ADCY9: variants seen among roughly 807,000 people sequenced by gnomAD.
ADCY9 encodes the protein adenylate cyclase type 9.
In ADCY9, 50 loss-of-function variants were observed where a neutral mutation model predicts 101.5. The ratio of observed to expected loss-of-function variants is 0.49; its 90% CI spans 0.39 to 0.62. ADCY9 has a LOEUF of 0.62. ADCY9 is among the 20% of genes least tolerant of loss of function. The pLI is 0.00. For synonymous variants in ADCY9, 905 were observed against 769.3 expected (o/e 1.18, Z -2.92); for missense variants, 1,662 against 1,800.4 (o/e 0.92, Z 1.39).
intron 2 of ADCY9, among the ~76,000 whole-genome samples, chr16:4,101,453 A>T (rs1009878496): frequency 6.6e-6 from 1 of 151,862 alleles, no homozygotes; most frequent in African/African-American, 2.4e-5. Context: ...CTAATTATTT[A>T]TTATTTTTAG....
At chr16:4,028,826 C>T (rs2056535081) in intron 2 of ADCY9, among the ~76,000 whole-genome samples, 1 of 151,768 alleles carries the variant, frequency 6.6e-6, no homozygotes, top group African/African-American at 2.4e-5. Flanking sequence ...GCTCTGTCAC[C>T]CAAGCTAGAG....
intron 2 of ADCY9, among the ~76,000 whole-genome samples, chr16:4,101,339 G>C (rs1024388454): frequency 1.3e-4 from 20 of 149,278 alleles, no homozygotes; most frequent in African/African-American, 4.7e-4. Context: ...GAGTACAGTG[G>C]TGCAATCACA....
At chr16:4,013,620 T>C (rs1188666302) in intron 2 of ADCY9, among the ~76,000 whole-genome samples, 1 of 152,136 alleles carries the variant, frequency 6.6e-6, no homozygotes, top group Admixed American at 6.5e-5. Context: ...TTCAGAAACA[T>C]TCCAAAAACG....
chr16:3,999,527 C>A (rs1437186520), intron 3 of ADCY9, among the ~76,000 whole-genome samples: 1 of 151,832 alleles, frequency 6.6e-6, no homozygotes, highest in Non-Finnish European at 1.5e-5. Flanking sequence ...GGCCTTGTTT[C>A]CCTAGAGTGA....
At chr16:3,986,815 C>T (rs536526457) in intron 6 of ADCY9, among the ~76,000 whole-genome samples, 1 of 152,218 alleles carries the variant, frequency 6.6e-6, no homozygotes, top group Non-Finnish European at 1.5e-5. Context: ...CCAGGCTGGT[C>T]TATCTACTGG....
At chr16:4,111,662 G>A (rs1376009416) in intron 2 of ADCY9, among the ~76,000 whole-genome samples, 3 of 152,108 alleles carry the variant, frequency 2.0e-5, no homozygotes, top group African/African-American at 7.2e-5. Flanking sequence ...TGGTCTCAGA[G>A]AAAGAGCTAA....
intron 3 of ADCY9, among the ~76,000 whole-genome samples, chr16:4,003,700 G>A (rs1032970362): frequency 4.0e-5 from 6 of 151,830 alleles, no homozygotes; most frequent in Non-Finnish European, 7.4e-5. Context: ...GAGTGGCTAG[G>A]ACTACAGGCA....
chr16:4,060,882 G>A (rs1280857166), intron 2 of ADCY9, among the ~76,000 whole-genome samples: 1 of 152,100 alleles, frequency 6.6e-6, no homozygotes, highest in Non-Finnish European at 1.5e-5. Context: ...AACTCTAAGG[G>A]GGCCCAGATA....
chr16:4,114,227 T>C lies in ADCY9; in HGVS notation c.1216A>G (p.Met406Val). 1 of 1,613,960 alleles carries C rather than the reference T, an allele frequency of 6.2e-7. No individual in the cohort carries two copies. The highest frequency in any genetic ancestry group is 8.5e-7 in the Non-Finnish European group (1 of 1,180,034). ...LFADIVGFTK[M>V]SANKSAHALV... ...GCGTGGGCAGACTTGTTGGCACTCA[T>C]CTTGGTGAAGCCCACGATATCTGCA... Residue 406 changes from methionine to valine, a missense_variant, in exon 2 of 11, where the codon ATG (methionine) becomes GTG (valine). Met to Val is a conservative substitution (Grantham distance 21, BLOSUM62 1). Coordinates refer to ENST00000294016, the MANE Select transcript of ADCY9 (RefSeq NM_001116.4). This position sits in a 1 kb window ranked among gnomAD's most constrained non-coding sequence, Gnocchi z 4.3.
chr16:3,982,826 G>A (rs1182432928), intron 7 of ADCY9: 3 of 191,006 alleles, frequency 1.6e-5, no homozygotes, highest in African/African-American at 7.0e-5. Context: ...CCTGAGGCAA[G>A]TGCGTGGAGA....
rs975057800 is a variant in ADCY9, at chr16:3,963,363, G to C, written c.*2412C>G. Reference sequence around the variant, plus strand: ...ATGTGCTCGCTGCCAACAGACAAGAGATGCACGGCGTTTCCGCTGCAGAGA... The same window carrying C: ...ATGTGCTCGCTGCCAACAGACAAGACATGCACGGCGTTTCCGCTGCAGAGA... On this transcript the variant is annotated 3_prime_UTR_variant, in exon 11 of 11. Transcript: ENST00000294016. 6 of 398,780 alleles carry C rather than the reference G, an allele frequency of 1.5e-5. No homozygotes were observed. The highest frequency in any genetic ancestry group is 1.2e-4 in the African/African-American group (6 of 48,578). The allele number at this position is 398,780 out of a possible 1,614,324, so 24.7% of individuals were successfully genotyped here. A position where few individuals can be genotyped will look rare whatever the true frequency, so the allele number is the denominator to read the frequency against.
At chr16:3,998,798 G>T in intron 3 of ADCY9, among the ~76,000 whole-genome samples, 1 of 74,284 alleles carries the variant, frequency 1.3e-5, no homozygotes, top group Non-Finnish European at 2.7e-5. Flanking sequence ...GAAAAGAAAA[G>T]AAAAAAAGAG....
At chr16:3,980,633 C>A (rs991211401) in intron 7 of ADCY9, among the ~76,000 whole-genome samples, 1 of 152,234 alleles carries the variant, frequency 6.6e-6, no homozygotes, top group African/African-American at 2.4e-5. Flanking sequence ...GGCGAGGGAA[C>A]GCTCACTCTC....
intron 2 of ADCY9, among the ~76,000 whole-genome samples, chr16:4,108,537 C>A (rs1474473903): frequency 1.3e-5 from 2 of 151,472 alleles, no homozygotes; most frequent in Non-Finnish European, 2.9e-5. Context: ...CCACACCCAG[C>A]CAATTTTTGC....
chr16:4,046,245 C>A (rs1397598555), intron 2 of ADCY9, among the ~76,000 whole-genome samples: 1 of 152,156 alleles, frequency 6.6e-6, no homozygotes, highest in Non-Finnish European at 1.5e-5. Context: ...CAGCACTGAA[C>A]CACGGCACAC....
chr16:4,066,674 A>C (rs1044493256), intron 2 of ADCY9, among the ~76,000 whole-genome samples: 1 of 152,154 alleles, frequency 6.6e-6, no homozygotes, highest in Admixed American at 6.6e-5. Flanking sequence ...TGTGAGCCAC[A>C]GCTTCCCACT....
rs990897841 is a variant in ADCY9 at position 4,039,416 on chromosome 16, C to T, written c.1694-31858G>A. ...ATTGCAGGCCAGGTGCGGTGGCTCACGCCTGTAATCCCAGCACTTTGGGAG... is the reference window on the plus strand; with the variant it reads ...ATTGCAGGCCAGGTGCGGTGGCTCATGCCTGTAATCCCAGCACTTTGGGAG... On this transcript the variant is annotated intron_variant, in intron 2 of 10. Transcript: ENST00000294016. Among the ~76,000 whole-genome samples, 5 of 152,182 alleles carry T rather than the reference C, an allele frequency of 3.3e-5. No individual in the cohort carries two copies. The Middle Eastern group carries it at 0.01, about 311-fold the overall frequency.
intron 8 of ADCY9, among the ~76,000 whole-genome samples, chr16:3,978,581 C>T (rs772436387): frequency 2.0e-5 from 3 of 152,168 alleles, no homozygotes; most frequent in South Asian, 2.1e-4. Context: ...GGCAGGGACT[C>T]GTGCCCACCG....
At chr16:4,012,680 T>C (rs1464328982) in intron 2 of ADCY9, among the ~76,000 whole-genome samples, 2 of 152,218 alleles carry the variant, frequency 1.3e-5, no homozygotes, top group Admixed American at 6.5e-5. Context: ...AATTTGTCTA[T>C]GGCTGTGTGC....
Sources: allele counts gnomAD v4.1 joint callset (sites outside exome capture counted in the v4.1 genomes callset), GRCh38; gene constraint gnomAD v4.1.1; non-coding constraint Gnocchi (gnomAD v3.1); transcripts MANE v1.5; gene names NCBI Gene and HGNC (gene_info 2026-07-23, HGNC 2026-07-21).